LEPROTL1: variants seen among roughly 807,000 people sequenced by gnomAD.
LEPROTL1 encodes the protein leptin receptor overlapping transcript like 1.
LEPROTL1 carries 6 observed loss-of-function variants against 15.4 expected under a neutral mutation model. The ratio of observed to expected loss-of-function variants is 0.39; its 90% confidence interval spans 0.21 to 0.77. The LOEUF (loss-of-function observed/expected upper bound fraction) is 0.77, where lower values mean the gene tolerates loss of function less well. Ranked by LOEUF, LEPROTL1 falls within the 30% of genes least tolerant of loss-of-function variation. The pLI, the probability that LEPROTL1 is intolerant of heterozygous loss-of-function variation, is 0.41. For missense variants in LEPROTL1, 128 were observed against 158.1 expected, an observed-to-expected ratio of 0.81 and a Z score of 1.02; for synonymous variants, 56 against 52.6, an observed-to-expected ratio of 1.06 and a Z score of -0.28.
chr8:30,118,568 C>T (rs1017018857), intron 3 of LEPROTL1, among the ~76,000 whole-genome samples: 1 of 152,078 alleles, frequency 6.6e-6, no homozygotes, highest in Admixed American at 6.6e-5. Context: ...TATATCTCGT[C>T]AGGTGGGACA....
chr8:30,106,624 T>C lies in LEPROTL1; in HGVS notation c.*762T>C. The C allele has an allele frequency of 1.0e-6, 1 of 983,246 alleles. No homozygotes were observed. The highest frequency in any genetic ancestry group is 1.2e-6 in the Non-Finnish European group (1 of 827,532). The allele number at this position is 983,246 out of a possible 1,614,324, so 60.9% of individuals were successfully genotyped here. The stretch of plus-strand genomic sequence containing the variant: ...ATAAGGTTTTTATTTATGTTTATTA[T>C]TGTTAGAGTGAGTTGCAATGTGGGA... On this transcript the variant is annotated 3_prime_UTR_variant, in exon 4 of 4. Coordinates refer to ENST00000321250, the MANE Select transcript of LEPROTL1 (RefSeq NM_015344.3).
Position 30,106,060 on chromosome 8 carries a change from G to A in LEPROTL1, c.*198G>A. 1.8e-6 allele frequency: 2 copies of A among 1,116,644 alleles called. No homozygotes were observed. Among genetic ancestry groups the A allele is most frequent in the Non-Finnish European group, 2.2e-6 (2 of 910,914 alleles). 69.2% of individuals were successfully genotyped at this position (1,116,644 alleles called of 1,614,324 possible). ...AGGATTAAAAGGATTTTCTCTTTTG[G>A]AAAAGCTTGACTGATTTCACACTTA... On this transcript the variant is annotated 3_prime_UTR_variant, in exon 4 of 4. Transcript: ENST00000321250.
intron 1 of LEPROTL1, among the ~76,000 whole-genome samples, chr8:30,098,786 G>C (rs957602765): frequency 6.6e-6 from 1 of 152,152 alleles, no homozygotes; most frequent in Non-Finnish European, 1.5e-5. Flanking sequence ...TGAGTGTTAA[G>C]AGCCAGGCAC....
intron 4 of LEPROTL1, among the ~76,000 whole-genome samples, chr8:30,136,331 A>G (rs924763718): frequency 2.6e-5 from 4 of 152,224 alleles, no homozygotes; most frequent in African/African-American, 9.6e-5. Context: ...AGGAGTGACC[A>G]TCACGCGGAC....
At chr8:30,133,927 A>G (rs1803084012) in intron 4 of LEPROTL1, among the ~76,000 whole-genome samples, 1 of 152,180 alleles carries the variant, frequency 6.6e-6, no homozygotes, top group Non-Finnish European at 1.5e-5. Context: ...GTCTGATAAC[A>G]AAAACTACCA....
chr8:30,097,700 C>T (rs7830249), intron 1 of LEPROTL1, among the ~76,000 whole-genome samples: 2,866 of 116,036 alleles, frequency 0.025, 113 homozygotes, highest in African/African-American at 0.092. Flanking sequence ...TATATATATA[C>T]ACACACACAC....
At position 30,106,306 on chromosome 8, in the gene LEPROTL1, A is replaced by G. The variant is rs886464220; in HGVS notation, c.*444A>G. 9 of 986,330 alleles carry G rather than the reference A, an allele frequency of 9.1e-6. No homozygotes were observed. Among genetic ancestry groups the G allele is most frequent in the Non-Finnish European group, 1.1e-5 (9 of 830,200 alleles). 61.1% of individuals were successfully genotyped at this position (986,330 alleles called of 1,614,324 possible). On this transcript the variant is annotated 3_prime_UTR_variant, in exon 4 of 4. Coordinates refer to ENST00000321250, the MANE Select transcript of LEPROTL1 (RefSeq NM_015344.3). ...TCCATTATTACAAAAAATTATAAAA[A>G]TAAGTTTTCAGTCAGTCAGGATGAC...
rs1388676414 is a variant in LEPROTL1 at position 30,107,510 on chromosome 8, A to G, written c.*1648A>G. 1.0e-6 allele frequency: 1 copy of G among 985,708 alleles called. No homozygotes were observed. The highest frequency in any genetic ancestry group is 1.2e-6 in the Non-Finnish European group (1 of 829,892). The allele number at this position is 985,708 out of a possible 1,614,324, so 61.1% of individuals were successfully genotyped here. ...ATGGGAATAAATTTGGGATTTGTTC[A>G]GCTTTTTTACTAAAGATGCCTAAAG... On this transcript the variant is annotated 3_prime_UTR_variant, in exon 4 of 4. Coordinates refer to ENST00000321250, the MANE Select transcript of LEPROTL1 (RefSeq NM_015344.3).
intron 3 of LEPROTL1, among the ~76,000 whole-genome samples, chr8:30,116,779 A>G (rs1243933715): frequency 6.6e-6 from 1 of 152,204 alleles, no homozygotes; most frequent in Admixed American, 6.5e-5. Flanking sequence ...GTCAAACCCA[A>G]GAAGGGGGTT....
At chr8:30,098,506 G>T (rs1056199618) in intron 1 of LEPROTL1, among the ~76,000 whole-genome samples, 1 of 152,150 alleles carries the variant, frequency 6.6e-6, no homozygotes, top group Admixed American at 6.6e-5. Context: ...TTTTCTCCAG[G>T]ATTCTAAGTT....
intron 3 of LEPROTL1, chr8:30,131,995 A>C: frequency 6.4e-7 from 1 of 1,552,124 alleles, no homozygotes. Flanking sequence ...AATACAGTAC[A>C]CCATGGGAAA....
chr8:30,110,632 G>A (rs1585468648), downstream of LEPROTL1, among the ~76,000 whole-genome samples: 1 of 152,058 alleles, frequency 6.6e-6, no homozygotes, highest in Non-Finnish European at 1.5e-5. Context: ...TACTTGGGAG[G>A]CTGAGGCAGT....
chr8:30,134,615 G>T (rs901660044), intron 4 of LEPROTL1, among the ~76,000 whole-genome samples: 1 of 146,268 alleles, frequency 6.8e-6, no homozygotes, highest in African/African-American at 2.5e-5. Context: ...GATCTCAGCC[G>T]CCCACTGCAA....
chr8:30,122,515 G>A (rs1462308906), intron 3 of LEPROTL1, among the ~76,000 whole-genome samples: 1 of 152,114 alleles, frequency 6.6e-6, no homozygotes. Context: ...GGAGGGCCAG[G>A]CATGGTGGCT....
chr8:30,114,854 A>T (rs1802711657), intron 3 of LEPROTL1, among the ~76,000 whole-genome samples: 1 of 152,182 alleles, frequency 6.6e-6, no homozygotes, highest in South Asian at 2.1e-4. Flanking sequence ...ACAAGCATGG[A>T]GGCCTCCATG....
At chr8:30,110,063 G>T (rs767221085), downstream of LEPROTL1, among the ~76,000 whole-genome samples, 5 of 152,114 alleles carry the variant, frequency 3.3e-5, no homozygotes, top group Non-Finnish European at 7.3e-5. Context: ...TTCACCCTTT[G>T]TGTTTAGTTA....
At chr8:30,102,158 A>G (rs776423670) in intron 2 of LEPROTL1, among the ~76,000 whole-genome samples, 185 bp downstream of exon 2, 2 of 152,212 alleles carry the variant, frequency 1.3e-5, no homozygotes, top group African/African-American at 4.8e-5. Flanking sequence ...CAAGATGCAA[A>G]TAATATTTTT....
chr8:30,126,240 A>G (rs962812743), intron 3 of LEPROTL1, among the ~76,000 whole-genome samples: 1 of 152,132 alleles, frequency 6.6e-6, no homozygotes, highest in Non-Finnish European at 1.5e-5. Context: ...TAGCCTAGGT[A>G]TGTAGTAGGC....
intron 4 of LEPROTL1, among the ~76,000 whole-genome samples, chr8:30,135,701 C>A (rs1803124790): frequency 6.6e-6 from 1 of 151,892 alleles, no homozygotes; most frequent in South Asian, 2.1e-4. Flanking sequence ...ATCACTTGAG[C>A]CCAGGAGTTT....
Sources: gnomAD v4.1 joint callset for allele counts (sites outside exome capture counted in the v4.1 genomes callset) on GRCh38, gnomAD v4.1.1 for gene constraint, MANE v1.5 for transcripts, NCBI Gene and HGNC (gene_info 2026-07-23, HGNC 2026-07-21) for gene names.